Variants in IQGAP2 observed in about 807,000 individuals in gnomAD.
The protein encoded by IQGAP2 is IQ motif containing GTPase activating protein 2.
In IQGAP2, 173 loss-of-function variants were observed where a neutral mutation model predicts 201.3. The ratio of observed to expected loss-of-function variants is 0.86; its 90% CI spans 0.76 to 0.98. The LOEUF (loss-of-function observed/expected upper bound fraction) is 0.98. Ranked by LOEUF, IQGAP2 falls within the 50% of genes least tolerant of loss-of-function variation. The pLI, the probability that IQGAP2 is intolerant of heterozygous loss-of-function variation, is 0.00. For synonymous variants in IQGAP2, 675 were observed against 673.9 expected, an observed-to-expected ratio of 1.00 and a Z score of -0.03; for missense variants, 1,687 against 1,864.8, an observed-to-expected ratio of 0.90 and a Z score of 1.76.
chr5:76,476,059 A>G (rs946968657), intron 2 of IQGAP2, among the ~76,000 whole-genome samples: 2 of 152,100 alleles, frequency 1.3e-5, no homozygotes, highest in African/African-American at 2.4e-5. Flanking sequence ...GGAAGTGGAG[A>G]AGTGAGTAAA....
intron 1 of IQGAP2, among the ~76,000 whole-genome samples, chr5:76,422,222 G>A (rs73116027): frequency 0.086 from 13,151 of 152,200 alleles, 970 homozygotes; most frequent in African/African-American, 0.19. Context: ...GCATGTGAGA[G>A]CTCTAGCATA....
chr5:76,571,129 A>G (rs1200926014), intron 4 of IQGAP2, among the ~76,000 whole-genome samples: 3 of 151,120 alleles, frequency 2.0e-5, no homozygotes, highest in Non-Finnish European at 2.9e-5. Flanking sequence ...ATCTCATTGT[A>G]TTAGTATACA....
chr5:76,494,727 T>A (rs917692212), intron 2 of IQGAP2, among the ~76,000 whole-genome samples: 1 of 152,184 alleles, frequency 6.6e-6, no homozygotes, highest in Non-Finnish European at 1.5e-5. Flanking sequence ...GTTTTTTTCC[T>A]GTGCACACAT....
At chr5:76,495,348 G>T (rs1202513953) in intron 2 of IQGAP2, among the ~76,000 whole-genome samples, 1 of 152,158 alleles carries the variant, frequency 6.6e-6, no homozygotes. Flanking sequence ...TGTTAGGTAG[G>T]ACATGGACTT....
intron 2 of IQGAP2, among the ~76,000 whole-genome samples, chr5:76,555,662 C>T (rs1029539863): frequency 6.6e-6 from 1 of 152,060 alleles, no homozygotes; most frequent in South Asian, 2.1e-4. Context: ...GTAGTGTAGG[C>T]TGGGGGTGAG....
At chr5:76,546,468 T>C (rs985239812) in intron 2 of IQGAP2, among the ~76,000 whole-genome samples, 7 of 152,102 alleles carry the variant, frequency 4.6e-5, no homozygotes, top group Admixed American at 4.6e-4. Flanking sequence ...TTTTTATTTG[T>C]AGTGCACTAT....
chr5:76,457,926 A>G (rs1754200801), intron 1 of IQGAP2, among the ~76,000 whole-genome samples: 2 of 152,222 alleles, frequency 1.3e-5, no homozygotes, highest in Admixed American at 6.5e-5. Flanking sequence ...GTTCTTCACA[A>G]TGTCCTCATG....
chr5:76,466,426 C>T (rs1318642056), intron 2 of IQGAP2, among the ~76,000 whole-genome samples: 1 of 152,110 alleles, frequency 6.6e-6, no homozygotes, highest in East Asian at 1.9e-4. Context: ...AGTTGGAGGA[C>T]TCATTTTTCA....
chr5:76,692,865 A>T (rs570018743), intron 30 of IQGAP2, among the ~76,000 whole-genome samples: 1 of 152,302 alleles, frequency 6.6e-6, no homozygotes, highest in Admixed American at 6.5e-5. Flanking sequence ...AGACTCTTTA[A>T]TAGCTTTCTG....
intron 2 of IQGAP2, among the ~76,000 whole-genome samples, chr5:76,549,992 A>G (rs2150231622): frequency 6.6e-6 from 1 of 152,290 alleles, no homozygotes; most frequent in East Asian, 1.9e-4. Context: ...CCTGCATTCA[A>G]CAACCTAAGC....
chr5:76,448,289 G>T (rs905139184), intron 1 of IQGAP2, among the ~76,000 whole-genome samples: 1 of 152,172 alleles, frequency 6.6e-6, no homozygotes, highest in Non-Finnish European at 1.5e-5. Context: ...TCTGTGGAAG[G>T]GTGGATAAGG....
chr5:76,456,800 G>T (rs1410339526), intron 1 of IQGAP2, among the ~76,000 whole-genome samples: 2 of 152,066 alleles, frequency 1.3e-5, no homozygotes, highest in East Asian at 3.9e-4. Context: ...TAATGCTAAG[G>T]CTGGGCACCA....
chr5:76,603,770 T>A (rs182630185), intron 11 of IQGAP2, among the ~76,000 whole-genome samples: 1 of 152,296 alleles, frequency 6.6e-6, no homozygotes, highest in East Asian at 1.9e-4. Context: ...TTACTGATCT[T>A]CTCAGAGCTT....
intron 7 of IQGAP2, 94 bp downstream of exon 7, chr5:76,589,822 G>A (rs1746519651): frequency 1.7e-6 from 1 of 593,738 alleles, no homozygotes; most frequent in Non-Finnish European, 2.8e-6. Flanking sequence ...ATATTTAGAA[G>A]ATACTTTAAG....
intron 5 of IQGAP2, among the ~76,000 whole-genome samples, chr5:76,581,308 G>A (rs867946261): frequency 6.6e-6 from 1 of 152,294 alleles, no homozygotes; most frequent in Middle Eastern, 3.4e-3. Context: ...ATATCAGATT[G>A]ATTATATCTC....
At chr5:76,648,752 G>A (rs1466347805) in intron 17 of IQGAP2, among the ~76,000 whole-genome samples, 1 of 152,200 alleles carries the variant, frequency 6.6e-6, no homozygotes, top group African/African-American at 2.4e-5. Context: ...GAAAAATACA[G>A]TAACAGATGT....
intron 2 of IQGAP2, among the ~76,000 whole-genome samples, chr5:76,496,302 G>C (rs961295422): frequency 6.6e-6 from 1 of 152,174 alleles, no homozygotes; most frequent in Non-Finnish European, 1.5e-5. Context: ...ACTGGGACTG[G>C]GTTCTCATCT....
At chr5:76,685,852 G>A (rs1261536471) in intron 30 of IQGAP2, among the ~76,000 whole-genome samples, 2 of 152,170 alleles carry the variant, frequency 1.3e-5, no homozygotes, top group South Asian at 4.1e-4. Flanking sequence ...CATTCGCAGT[G>A]TGCAACCATC....
At chr5:76,561,597 TTAC>T (rs1018467392) in intron 2 of IQGAP2, among the ~76,000 whole-genome samples, 2 of 152,128 alleles carry the variant, frequency 1.3e-5, no homozygotes, top group Non-Finnish European at 2.9e-5. Flanking sequence ...TAGGTAATAG[TTAC>T]TTGAGAAAGG....
Sources: gnomAD v4.1 joint callset for allele counts (sites outside exome capture counted in the v4.1 genomes callset) on GRCh38, gnomAD v4.1.1 for gene constraint, MANE v1.5 for transcripts, NCBI Gene and HGNC (gene_info 2026-07-23, HGNC 2026-07-21) for gene names.